Variants in ANKRD29 observed in about 807,000 individuals in gnomAD.
ANKRD29 encodes ankyrin repeat domain-containing protein 29.
A neutral mutation model predicts 38.0 loss-of-function variants in ANKRD29; 32 were observed. The observed-to-expected ratio is 0.84, with a 90% CI of 0.64 to 1.13. The LOEUF is 1.13. Ranked by LOEUF, ANKRD29 falls within the 50% of genes most tolerant of loss-of-function variation. The probability of loss-of-function intolerance (pLI) is 0.00; values close to 1 mark genes in which losing one functional copy is unlikely to be tolerated. For missense variants in ANKRD29, 357 were observed against 377.9 expected, an observed-to-expected ratio of 0.94 and a Z score of 0.46; for synonymous variants, 135 against 152.4, an observed-to-expected ratio of 0.89 and a Z score of 0.84.
intron 9 of ANKRD29, among the ~76,000 whole-genome samples, chr18:23,605,979 A>G (rs1237763069): frequency 1.3e-5 from 2 of 152,232 alleles, no homozygotes; most frequent in Non-Finnish European, 2.9e-5. Flanking sequence ...AAAGGCTTGT[A>G]AAATATTTTG....
Position 23,661,083 on chromosome 18 carries a change from T to C in ANKRD29, c.21+1627A>G, listed in dbSNP as rs1345611456. On this transcript the variant is annotated intron_variant, in intron 1 of 9. Transcript: ENST00000592179. ...AAAGATTAGAGATGCTTGGTGTAAG[T>C]GACAGCACATGCTTCTGAGTTTTCT... is the stretch of plus-strand genomic sequence containing the variant. Among the ~76,000 whole-genome samples the C allele has an allele frequency of 3.3e-4, 51 of 152,364 alleles. 1 individual carries two copies. The highest frequency in any genetic ancestry group is 3.1e-3 in the Admixed American group (47 of 15,304).
chr18:23,629,644 G>A (rs1316944412), intron 6 of ANKRD29, among the ~76,000 whole-genome samples: 2 of 152,212 alleles, frequency 1.3e-5, no homozygotes, highest in African/African-American at 4.8e-5. Context: ...GAACTGTGAT[G>A]TCAGCTTGGT....
chr18:23,625,492 A>ACAGAGATATG (rs1452922573), intron 6 of ANKRD29, among the ~76,000 whole-genome samples: 3 of 152,090 alleles, frequency 2.0e-5, no homozygotes, highest in Non-Finnish European at 4.4e-5. Context: ...GTGGGGAGAA[A>ACAGAGATATG]CAGAGATATG....
rs374847023 is a variant in ANKRD29, at chr18:23,631,483, C to T, written c.430-1532G>A. Among the ~76,000 whole-genome samples the T allele has an allele frequency of 2.4e-4, 36 of 152,086 alleles. No homozygotes were observed. The East Asian group carries it at 5.8e-3, about 25-fold the overall frequency. On this transcript the variant is annotated intron_variant, in intron 5 of 9. Transcript: ENST00000592179. Reference sequence around the variant, plus strand: ...CTGGTCTCGAACTCTTGGGCTCAAGCGATCCTCCTGCCTCTGCCTCCCAAA... The same window carrying T: ...CTGGTCTCGAACTCTTGGGCTCAAGTGATCCTCCTGCCTCTGCCTCCCAAA...
chr18:23,658,508 C>T (rs946027276), intron 1 of ANKRD29, among the ~76,000 whole-genome samples: 2 of 152,192 alleles, frequency 1.3e-5, no homozygotes, highest in Admixed American at 1.3e-4. Context: ...TACCCAATAT[C>T]TGATTTAGAT....
intron 1 of ANKRD29, among the ~76,000 whole-genome samples, chr18:23,651,192 A>G (rs2060206588): frequency 6.6e-6 from 1 of 152,222 alleles, no homozygotes; most frequent in Non-Finnish European, 1.5e-5. Flanking sequence ...AGAGAATGGC[A>G]GGGTGGAGAG....
Position 23,634,278 on chromosome 18 carries a change from GTTTTTTTTTTTTTTTT to G in ANKRD29, c.331-145_331-130del, listed in dbSNP as rs71163626. On this transcript the variant is annotated intron_variant, in intron 4 of 9. Coordinates refer to ENST00000592179, the MANE Select transcript of ANKRD29 (RefSeq NM_173505.4). ...AGATAATAACAAACTCACTTTCCCTGTTTTTTTTTTTTTTTTTTTTTTTTTTTTTGAGATGGAGTCT... is the reference window on the plus strand; with the variant it reads ...AGATAATAACAAACTCACTTTCCCTGTTTTTTTTTTTTTGAGATGGAGTCT... The G allele has an allele frequency of 7.8e-4, 292 of 372,206 alleles. 1 individual carries two copies. Among genetic ancestry groups the G allele is most frequent in the Non-Finnish European group, 9.0e-4 (202 of 223,424 alleles). 23.1% of individuals were successfully genotyped at this position (372,206 alleles called of 1,614,324 possible).
chr18:23,641,390 C>T (rs779942948), intron 3 of ANKRD29, among the ~76,000 whole-genome samples: 17 of 152,372 alleles, frequency 1.1e-4, no homozygotes, highest in South Asian at 6.2e-4. Flanking sequence ...TCCCCACTCC[C>T]GGCACCTGCT....
chr18:23,607,842 GAAGAT>G (rs1826295253), intron 9 of ANKRD29, among the ~76,000 whole-genome samples: 1 of 152,202 alleles, frequency 6.6e-6, no homozygotes, highest in Non-Finnish European at 1.5e-5. Context: ...GCTCCTGGGA[GAAGAT>G]GTGCTCAGTC....
At chr18:23,619,811 T>TA in intron 6 of ANKRD29, 182 bp from the exon 7 acceptor site, 1 of 534,854 alleles carries the variant, frequency 1.9e-6, no homozygotes, top group South Asian at 2.7e-5. Flanking sequence ...GGGGTGTGTG[T>TA]AGCCCACGGA....
chr18:23,623,507 G>C (rs1254164656), intron 6 of ANKRD29, among the ~76,000 whole-genome samples: 1 of 151,962 alleles, frequency 6.6e-6, no homozygotes, highest in Non-Finnish European at 1.5e-5. Context: ...GAAAATGATG[G>C]GGTGCAGTGG....
At position 23,609,450 on chromosome 18, in the gene ANKRD29, A is replaced by T. The variant is rs1010305646; in HGVS notation, c.822+2642T>A. 2.0e-5 allele frequency among the ~76,000 whole-genome samples: 3 copies of T among 152,200 alleles called. 1 individual carries two copies. Among genetic ancestry groups the T allele is most frequent in the Non-Finnish European group, 4.4e-5 (3 of 68,040 alleles). On this transcript the variant is annotated intron_variant, in intron 9 of 9. Coordinates refer to ENST00000592179, the MANE Select transcript of ANKRD29 (RefSeq NM_173505.4). ...CTCGGAGATACTGATTTGAGTAATA[A>T]TAAAACTCCTATCTCCCGCACAGCT...
intron 9 of ANKRD29, among the ~76,000 whole-genome samples, chr18:23,610,204 G>A (rs1004021926): frequency 1.3e-5 from 2 of 152,174 alleles, no homozygotes; most frequent in Non-Finnish European, 2.9e-5. Flanking sequence ...ATGGCTGGGC[G>A]CAGTGGCTCA....
chr18:23,648,677 A>G (rs1197024904), intron 2 of ANKRD29: 4 of 370,294 alleles, frequency 1.1e-5, no homozygotes, highest in Non-Finnish European at 1.9e-5. Flanking sequence ...GGAGGCTTCA[A>G]TTTTTGTTTT....
At chr18:23,662,637 A>T in intron 1 of ANKRD29, 73 bp downstream of exon 1, 1 of 61,826 alleles carries the variant, frequency 1.6e-5, no homozygotes, top group Non-Finnish European at 2.7e-5. Context: ...ACCCCATCCC[A>T]CCCCACCCGA....
Position 23,646,194 on chromosome 18 carries a change from T to C in ANKRD29, c.226A>G (p.Arg76Gly). Reference protein sequence around the residue: ...VLQGADINLQRESGTTALFFA... With the variant: ...VLQGADINLQGESGTTALFFA... ...AAGTGCAAAGCCTGACCTACCTCTCTCTGGAGATTGATGTCTGCTCCTTGC... is the reference window on the plus strand; with the variant it reads ...AAGTGCAAAGCCTGACCTACCTCTCCCTGGAGATTGATGTCTGCTCCTTGC... The change falls in exon 3 of 10, where the codon AGA becomes GGA. Residue 76 changes from arginine (R) to glycine (G), a missense_variant. Physicochemically the swap from Arg to Gly is moderately radical, Grantham distance 125. Coordinates refer to ENST00000592179, the MANE Select transcript of ANKRD29 (RefSeq NM_173505.4). 1.9e-6 allele frequency: 3 copies of C among 1,614,138 alleles called. No homozygotes were observed. Among genetic ancestry groups the C allele is most frequent in the Non-Finnish European group, 1.7e-6 (2 of 1,180,010 alleles).
At chr18:23,617,221 A>G (rs1287169187) in intron 8 of ANKRD29, among the ~76,000 whole-genome samples, 1 of 152,192 alleles carries the variant, frequency 6.6e-6, no homozygotes, top group African/African-American at 2.4e-5. Context: ...CATCTCAAAA[A>G]AGCAAAACAA....
At chr18:23,642,106 C>T (rs189882762) in intron 3 of ANKRD29, among the ~76,000 whole-genome samples, 7 of 152,236 alleles carry the variant, frequency 4.6e-5, no homozygotes, top group Admixed American at 2.0e-4. Context: ...AGCTCCTCTC[C>T]ACTTTGTTCA....
intron 8 of ANKRD29, among the ~76,000 whole-genome samples, chr18:23,613,389 C>T (rs1257777414): frequency 6.6e-6 from 1 of 151,756 alleles, no homozygotes; most frequent in Non-Finnish European, 1.5e-5. Context: ...CTGGGCTGGT[C>T]GCCAACTCCT....
Sources: allele counts gnomAD v4.1 joint callset (sites outside exome capture counted in the v4.1 genomes callset), GRCh38; gene constraint gnomAD v4.1.1; transcripts MANE v1.5; gene names NCBI Gene and HGNC (gene_info 2026-07-23, HGNC 2026-07-21).